Variants in FAM177A1 observed in about 807,000 individuals in gnomAD.
FAM177A1 encodes the protein protein FAM177A1.
Under a neutral mutation model 26.1 loss-of-function variants are expected in FAM177A1, and 22 were observed. The ratio of observed to expected loss-of-function variants is 0.84; its 90% CI spans 0.60 to 1.20. The LOEUF is 1.20. Among genes scored for constraint, FAM177A1 ranks in the 50% most tolerant of loss-of-function variants. The probability of loss-of-function intolerance (pLI) is 0.00; values close to 1 mark genes in which losing one functional copy is unlikely to be tolerated. For synonymous variants in FAM177A1, 95 were observed against 99.3 expected (o/e 0.96, Z 0.26); for missense variants, 296 against 291.1 (o/e 1.02, Z -0.12).
intron 2 of FAM177A1, among the ~76,000 whole-genome samples, chr14:35,065,716 G>A (rs1202590893): frequency 1.0e-5 from 1 of 96,944 alleles, no homozygotes; most frequent in Non-Finnish European, 2.1e-5. Context: ...TTTTTTTTGA[G>A]ACAGTCACCC....
chr14:35,073,007 C>T (rs1035721369), intron 2 of FAM177A1, among the ~76,000 whole-genome samples: 3 of 152,208 alleles, frequency 2.0e-5, no homozygotes, highest in South Asian at 2.1e-4. Context: ...ATAACAATGG[C>T]ATCTTCAGTG....
chr14:35,069,285 G>GT (rs61628117), intron 2 of FAM177A1, among the ~76,000 whole-genome samples: 42,805 of 137,690 alleles, frequency 0.31, 6,773 homozygotes, highest in South Asian at 0.37. Flanking sequence ...ATTGGAGTAG[G>GT]TTTTTTTTTT....
chr14:35,055,302 TA>T (rs768167607), intron 2 of FAM177A1, among the ~76,000 whole-genome samples: 560 of 129,036 alleles, frequency 4.3e-3, no homozygotes, highest in Admixed American at 5.0e-3. Context: ...AAACTCCATC[TA>T]AAAAAAAAAA....
intron 2 of FAM177A1, among the ~76,000 whole-genome samples, chr14:35,058,329 G>A (rs1016708804): frequency 3.9e-5 from 6 of 152,062 alleles, no homozygotes; most frequent in African/African-American, 9.7e-5. Flanking sequence ...CTCCCAAAGA[G>A]CTGGTATTAC....
rs756336210 is a variant in FAM177A1, at chr14:35,046,462, G to A, written c.-2G>A. The A allele has an allele frequency of 3.8e-6, 6 of 1,566,838 alleles. No homozygotes were observed. The highest frequency in any genetic ancestry group is 5.2e-6 in the Non-Finnish European group (6 of 1,154,616). ...GCCAGCGACTGGGCGGGGAGACCAA[G>A]GATGGAAGTGGGCTTACCGGCCATT... On this transcript the variant is annotated 5_prime_UTR_variant, in exon 1 of 5. Transcript: ENST00000280987.
At chr14:35,058,029 G>A (rs1413526699) in intron 2 of FAM177A1, among the ~76,000 whole-genome samples, 1 of 151,936 alleles carries the variant, frequency 6.6e-6, no homozygotes, top group Non-Finnish European at 1.5e-5. Flanking sequence ...TTTCCTTGCT[G>A]ATCATCTGCC....
At chr14:35,071,060 G>A (rs998708828) in intron 2 of FAM177A1, among the ~76,000 whole-genome samples, 10 of 151,202 alleles carry the variant, frequency 6.6e-5, no homozygotes, top group South Asian at 4.2e-4. Context: ...GCAGTGGTGC[G>A]ATCTCAGCTC....
intron 2 of FAM177A1, among the ~76,000 whole-genome samples, chr14:35,069,214 C>T (rs934212711): frequency 4.0e-5 from 6 of 151,724 alleles, no homozygotes; most frequent in South Asian, 4.2e-4. Context: ...CCATTACCAG[C>T]CAGTTTGAAT....
intron 2 of FAM177A1, among the ~76,000 whole-genome samples, chr14:35,073,062 C>CTCT (rs139602399): frequency 0.15 from 23,142 of 151,596 alleles, 1,932 homozygotes; most frequent in Middle Eastern, 0.21. Flanking sequence ...TATCAGGGTT[C>CTCT]TCTTCTTCTT....
chr14:35,061,704 G>A (rs1464811934), intron 2 of FAM177A1, among the ~76,000 whole-genome samples: 1 of 150,514 alleles, frequency 6.6e-6, no homozygotes, highest in Non-Finnish European at 1.5e-5. Context: ...CATGGCACAT[G>A]TATACATATG....
chr14:35,065,658 C>T (rs1313363792), intron 2 of FAM177A1, among the ~76,000 whole-genome samples: 6 of 150,402 alleles, frequency 4.0e-5, no homozygotes, highest in African/African-American at 9.8e-5. Flanking sequence ...TTTTGTTTTT[C>T]ATTAATGTAG....
chr14:35,077,813 A>G (rs537865709), intron 3 of FAM177A1, among the ~76,000 whole-genome samples: 13 of 152,096 alleles, frequency 8.5e-5, no homozygotes, highest in South Asian at 8.3e-4. Context: ...CTTAACAGCT[A>G]TTTTGCTGCT....
intron 1 of FAM177A1, chr14:35,053,075 A>G: frequency 2.0e-6 from 1 of 491,862 alleles, no homozygotes; most frequent in East Asian, 3.3e-5. Flanking sequence ...TTGGTTTACA[A>G]ATGGTGGGTT....
At chr14:35,080,163 A>G (rs2045457592) in intron 4 of FAM177A1, among the ~76,000 whole-genome samples, 1 of 152,210 alleles carries the variant, frequency 6.6e-6, no homozygotes, top group South Asian at 2.1e-4. Flanking sequence ...TGAATTTAGT[A>G]GTTCTGCAAC....
intron 1 of FAM177A1, 24 bp downstream of exon 1, chr14:35,046,652 C>G: frequency 5.9e-6 from 9 of 1,517,612 alleles, no homozygotes; most frequent in Non-Finnish European, 8.0e-6. Flanking sequence ...CCGAGGCTGA[C>G]GTCCGGGGAG....
chr14:35,053,222 A>G, intron 1 of FAM177A1, 56 bp from the exon 2 acceptor site: 1 of 1,509,858 alleles, frequency 6.6e-7, no homozygotes, highest in South Asian at 1.2e-5. Context: ...TTCACGTGTA[A>G]TGAAAGAAAA....
intron 2 of FAM177A1, among the ~76,000 whole-genome samples, chr14:35,065,517 C>T (rs1219690170): frequency 2.0e-5 from 3 of 151,834 alleles, no homozygotes; most frequent in Non-Finnish European, 4.4e-5. Flanking sequence ...AAGTTGCCAA[C>T]TGAGTATTTG....
At chr14:35,079,224 G>C (rs1040092880) in intron 4 of FAM177A1, among the ~76,000 whole-genome samples, 200 bp downstream of exon 4, 1 of 152,166 alleles carries the variant, frequency 6.6e-6, no homozygotes, top group Admixed American at 6.6e-5. Flanking sequence ...CCTATGATCT[G>C]TGTGCAAAAC....
chr14:35,053,219 G>A (rs2045002914), intron 1 of FAM177A1, 59 bp from the exon 2 acceptor site: 1 of 1,495,744 alleles, frequency 6.7e-7, no homozygotes, highest in Non-Finnish European at 9.1e-7. Flanking sequence ...TTTTTCACGT[G>A]TAATGAAAGA....
Sources: gnomAD v4.1 joint callset for allele counts (sites outside exome capture counted in the v4.1 genomes callset) on GRCh38, gnomAD v4.1.1 for gene constraint, MANE v1.5 for transcripts, NCBI Gene and HGNC (gene_info 2026-07-23, HGNC 2026-07-21) for gene names.